The following LHFPL3 variants were observed in gnomAD, a reference collection of about 807,000 sequenced individuals.
LHFPL3 encodes LHFPL tetraspan subfamily member 3, also known as LHFPL tetraspan subfamily member 3 protein.
LHFPL3 carries 5 observed loss-of-function variants against 19.3 expected under a neutral mutation model. The observed-to-expected ratio is 0.26, with a 90% confidence interval of 0.14 to 0.54. The LOEUF is 0.54. LHFPL3 is among the 20% of genes least tolerant of loss of function. The pLI is 0.94. For synonymous variants in LHFPL3, 133 were observed against 126.2 expected, an observed-to-expected ratio of 1.05 and a Z score of -0.36; for missense variants, 249 against 307.4, an observed-to-expected ratio of 0.81 and a Z score of 1.42.
chr7:104,750,941 A>T (rs368461610), intron 2 of LHFPL3, among the ~76,000 whole-genome samples: 2,081 of 151,612 alleles, frequency 0.014, 2 homozygotes, highest in South Asian at 0.034. Context: ...GACATAAGTC[A>T]GGTGGCTCTC....
chr7:104,726,427 C>T (rs892909671), intron 1 of LHFPL3, among the ~76,000 whole-genome samples: 4 of 151,998 alleles, frequency 2.6e-5, no homozygotes, highest in Non-Finnish European at 5.9e-5. Flanking sequence ...ACCTATCAAG[C>T]CGTCACCTAG....
chr7:104,374,889 T>A (rs533645402), intron 1 of LHFPL3, among the ~76,000 whole-genome samples: 1 of 152,366 alleles, frequency 6.6e-6, no homozygotes, highest in Admixed American at 6.5e-5. Context: ...TATTTTTGAA[T>A]GTTTAGTGAA....
chr7:104,557,154 G>A (rs1271933770), intron 1 of LHFPL3, among the ~76,000 whole-genome samples: 1 of 152,054 alleles, frequency 6.6e-6, no homozygotes, highest in South Asian at 2.1e-4. Flanking sequence ...TCTCTGCCTT[G>A]TTCCCAGTTC....
In LHFPL3 at chr7:104,737,475, T is replaced by C. The variant is rs563588740; in HGVS notation, c.682+564T>C. Among the ~76,000 whole-genome samples the C allele has an allele frequency of 7.9e-5, 12 of 152,318 alleles. No homozygotes were observed. In the South Asian group the frequency reaches 2.5e-3, roughly 32 times the overall value. ...GAATTTTAAATGTGTTGTCTGCGTA[T>C]CAAAAGTCCTCAGATTTCTTTTCCA... On this transcript the variant is annotated intron_variant, in intron 2 of 2. Transcript: ENST00000424859.
chr7:104,597,434 A>G (rs1790885160), intron 1 of LHFPL3, among the ~76,000 whole-genome samples: 2 of 152,200 alleles, frequency 1.3e-5, no homozygotes. Context: ...CCTTTGATTA[A>G]AGCTAGTTTG....
chr7:104,414,459 T>C (rs1488531898), intron 1 of LHFPL3, among the ~76,000 whole-genome samples: 1 of 152,198 alleles, frequency 6.6e-6, no homozygotes, highest in Non-Finnish European at 1.5e-5. Context: ...CAACACGTGA[T>C]TGCGCCCAGA....
At chr7:104,746,360 T>A (rs1384240991) in intron 2 of LHFPL3, among the ~76,000 whole-genome samples, 1 of 151,964 alleles carries the variant, frequency 6.6e-6, no homozygotes, top group Non-Finnish European at 1.5e-5. Flanking sequence ...AGAGTCTCAT[T>A]CAGTTGGTAT....
At chr7:104,763,010 G>T (rs1794401779) in intron 2 of LHFPL3, among the ~76,000 whole-genome samples, 1 of 152,122 alleles carries the variant, frequency 6.6e-6, no homozygotes, top group Admixed American at 6.5e-5. Context: ...AAAAGGACAG[G>T]GCACCAGACA....
chr7:104,621,346 T>C (rs1189878193), intron 1 of LHFPL3, among the ~76,000 whole-genome samples: 1 of 152,222 alleles, frequency 6.6e-6, no homozygotes, highest in Non-Finnish European at 1.5e-5. Context: ...ACAAGCATGC[T>C]CATGCTGTTT....
intron 1 of LHFPL3, among the ~76,000 whole-genome samples, chr7:104,631,728 T>A (rs1791645711): frequency 6.6e-6 from 1 of 152,194 alleles, no homozygotes; most frequent in Non-Finnish European, 1.5e-5. Context: ...AAGATAGTCA[T>A]GAACTACAGC....
chr7:104,618,755 A>G (rs1273408506), intron 1 of LHFPL3, among the ~76,000 whole-genome samples: 1 of 152,244 alleles, frequency 6.6e-6, no homozygotes, highest in East Asian at 1.9e-4. Flanking sequence ...TACAAGATTC[A>G]GATTATTTAG....
chr7:104,377,847 A>G (rs984767183), intron 1 of LHFPL3, among the ~76,000 whole-genome samples: 4 of 152,024 alleles, frequency 2.6e-5, no homozygotes, highest in Admixed American at 6.5e-5. Context: ...AATAATAACT[A>G]AGCTTTTATT....
chr7:104,794,293 A>G (rs1342290243), intron 2 of LHFPL3, among the ~76,000 whole-genome samples: 1 of 152,240 alleles, frequency 6.6e-6, no homozygotes, highest in African/African-American at 2.4e-5. Flanking sequence ...TCATTGGCAC[A>G]TGATGAATGC....
chr7:104,385,788 C>T (rs1178865305), intron 1 of LHFPL3, among the ~76,000 whole-genome samples: 4 of 152,056 alleles, frequency 2.6e-5, no homozygotes, highest in East Asian at 1.9e-4. Context: ...AAGTAGAAAA[C>T]GAATGCATCA....
intron 1 of LHFPL3, among the ~76,000 whole-genome samples, chr7:104,507,457 T>G (rs537662902): frequency 1.6e-5 from 2 of 127,278 alleles, no homozygotes; most frequent in East Asian, 2.4e-4. Flanking sequence ...AAAACTCAAT[T>G]CAAGATGGAT....
At chr7:104,530,687 A>T (rs1467763199) in intron 1 of LHFPL3, among the ~76,000 whole-genome samples, 3 of 152,234 alleles carry the variant, frequency 2.0e-5, no homozygotes, top group Non-Finnish European at 4.4e-5. Flanking sequence ...TGGGTAATAA[A>T]TTACTAGCTG....
At chr7:104,571,883 A>G (rs1299468615) in intron 1 of LHFPL3, among the ~76,000 whole-genome samples, 3 of 152,194 alleles carry the variant, frequency 2.0e-5, no homozygotes, top group African/African-American at 7.2e-5. Context: ...CTATTTTGGC[A>G]AAATCTTTCT....
Position 104,566,931 on chromosome 7 carries a change from C to G in LHFPL3, c.446-169744C>G, listed in dbSNP as rs866628176. Among the ~76,000 whole-genome samples, 5 of 152,298 alleles carry G rather than the reference C, an allele frequency of 3.3e-5. No individual in the cohort carries two copies. The South Asian group carries it at 8.3e-4, about 25-fold the overall frequency. On this transcript the variant is annotated intron_variant, in intron 1 of 2. Transcript: ENST00000424859. ...AAGTAAAACTAAAAATTATCCTTGG[C>G]TTTGTTAGAATTTCTCTTCTTAATG...
At chr7:104,568,224 TAGGTATGG>T (rs1790159322) in intron 1 of LHFPL3, among the ~76,000 whole-genome samples, 4 of 152,170 alleles carry the variant, frequency 2.6e-5, no homozygotes, top group Non-Finnish European at 5.9e-5. Flanking sequence ...ACTGACTTGG[TAGGTATGG>T]AGGTGAAACT....
Sources: allele counts gnomAD v4.1 joint callset (sites outside exome capture counted in the v4.1 genomes callset), GRCh38; gene constraint gnomAD v4.1.1; transcripts MANE v1.5; gene names NCBI Gene and HGNC (gene_info 2026-07-23, HGNC 2026-07-21).